STN1: variants seen among roughly 807,000 people sequenced by gnomAD.
STN1 encodes STN1 subunit of CST complex, also known as CST complex subunit STN1.
A neutral mutation model predicts 45.5 loss-of-function variants in STN1; 29 were observed. The ratio of observed to expected loss-of-function variants is 0.64; its 90% CI spans 0.47 to 0.87. The LOEUF is 0.87. STN1 is among the 40% of genes least tolerant of loss of function. STN1 has a pLI of 0.00. For missense variants in STN1, 376 were observed against 441.4 expected, an observed-to-expected ratio of 0.85 and a Z score of 1.33; for synonymous variants, 148 against 159.0, an observed-to-expected ratio of 0.93 and a Z score of 0.52.
chr10:103,906,154 T>C (rs1355564148), intron 3 of STN1, among the ~76,000 whole-genome samples: 1 of 152,220 alleles, frequency 6.6e-6, no homozygotes, highest in Non-Finnish European at 1.5e-5. Context: ...ATGGGTTTCA[T>C]TTTATTAAAT....
At chr10:103,887,940 C>T (rs1843114898) in intron 9 of STN1, among the ~76,000 whole-genome samples, 2 of 152,246 alleles carry the variant, frequency 1.3e-5, no homozygotes. Flanking sequence ...CTCATCCCTT[C>T]TTGGCTGAGG....
At chr10:103,905,232 G>T in intron 3 of STN1, 76 bp from the exon 4 acceptor site, 1 of 1,270,720 alleles carries the variant, frequency 7.9e-7, no homozygotes, top group Non-Finnish European at 1.1e-6. Flanking sequence ...ATTGCATTCA[G>T]CCATACTGAA....
intron 8 of STN1, among the ~76,000 whole-genome samples, chr10:103,890,747 A>C (rs1843134961): frequency 6.6e-6 from 1 of 152,224 alleles, no homozygotes; most frequent in Non-Finnish European, 1.5e-5. Context: ...TAATTTCTAA[A>C]ATCTCTCTAA....
chr10:103,914,735 A>T (rs1843318183), intron 2 of STN1, among the ~76,000 whole-genome samples: 1 of 152,030 alleles, frequency 6.6e-6, no homozygotes, highest in Admixed American at 6.6e-5. Context: ...ACCACAATCA[A>T]ATTTCACAGT....
At chr10:103,895,041 C>T (rs1013643617) in intron 7 of STN1, among the ~76,000 whole-genome samples, 2 of 152,200 alleles carry the variant, frequency 1.3e-5, no homozygotes, top group African/African-American at 2.4e-5. Context: ...TCTAGGGTTT[C>T]AGTCTCATTG....
rs763440145 is a variant in STN1 at position 103,910,527 on chromosome 10, C to T, written c.229G>A (p.Val77Met). 13 of 1,590,488 alleles carry T rather than the reference C, an allele frequency of 8.2e-6. No homozygotes were observed. In the Admixed American group the frequency reaches 1.8e-4, roughly 22 times the overall value. ...RERDAFYSYG[V>M]DDSTGVINCI... ...TCATTTCAGACACAATTGTTCTTAC[C>T]TCCATAACTGTAGAAAGCATCTCTT... The change falls in exon 3 of 10, where the codon GTG (valine) becomes ATG (methionine). Residue 77 changes from valine to methionine, a missense_variant and splice_region_variant. Val to Met is a conservative substitution (Grantham distance 21). Transcript: ENST00000224950.
At chr10:103,908,513 G>A (rs1453564102) in intron 3 of STN1, among the ~76,000 whole-genome samples, 1 of 152,252 alleles carries the variant, frequency 6.6e-6, no homozygotes, top group Non-Finnish European at 1.5e-5. Context: ...CAGAACAGCA[G>A]GGAGCGGCCA....
At chr10:103,899,372 C>T (rs1456355864) in intron 5 of STN1, among the ~76,000 whole-genome samples, 1 of 152,208 alleles carries the variant, frequency 6.6e-6, no homozygotes, top group African/African-American at 2.4e-5. Flanking sequence ...TAGCTGTTTT[C>T]ATTTAAAGTT....
rs1348146967 is a variant in STN1, at chr10:103,880,787, A to G, written c.*1897T>C. Among the ~76,000 whole-genome samples, 1 of 152,206 alleles carries G rather than the reference A, an allele frequency of 6.6e-6. No homozygotes were observed. Among genetic ancestry groups the G allele is most frequent in the Non-Finnish European group, 1.5e-5 (1 of 68,030 alleles). ...AGTCCTCAGGGAGGCAGAGCACTGAACAAAGGAACCTGAGAAGGAGCAACC... is the reference window on the plus strand; with the variant it reads ...AGTCCTCAGGGAGGCAGAGCACTGAGCAAAGGAACCTGAGAAGGAGCAACC... On this transcript the variant is annotated 3_prime_UTR_variant, in exon 10 of 10. Transcript: ENST00000224950.
chr10:103,887,932 C>T (rs1843114855), intron 9 of STN1, among the ~76,000 whole-genome samples: 1 of 152,224 alleles, frequency 6.6e-6, no homozygotes, highest in Admixed American at 6.5e-5. Flanking sequence ...AGCATCTTCT[C>T]ATCCCTTCTT....
intron 2 of STN1, among the ~76,000 whole-genome samples, chr10:103,916,054 G>T (rs1478711489): frequency 2.0e-5 from 3 of 152,138 alleles, no homozygotes; most frequent in African/African-American, 7.2e-5. Context: ...TACCAGTAGT[G>T]GTCTGTGGTC....
At chr10:103,898,806 C>G in intron 6 of STN1, 71 bp downstream of exon 6, 3 of 1,581,234 alleles carry the variant, frequency 1.9e-6, no homozygotes, top group Non-Finnish European at 2.6e-6. Context: ...AGGCCGATCC[C>G]AGCATCTGGG....
In STN1 at chr10:103,909,449, T is replaced by C. The variant is rs1217100277; in HGVS notation, c.229+1078A>G. On this transcript the variant is annotated intron_variant, in intron 3 of 9. Coordinates refer to ENST00000224950, the MANE Select transcript of STN1 (RefSeq NM_024928.5). ...GTATATATATGTATATATATGTATATATGTATATATGTATATATATGTATA... is the reference window on the plus strand; with the variant it reads ...GTATATATATGTATATATATGTATACATGTATATATGTATATATATGTATA... 6.7e-5 allele frequency among the ~76,000 whole-genome samples: 4 copies of C among 59,960 alleles called. 1 individual carries two copies. Among genetic ancestry groups the C allele is most frequent in the African/African-American group, 2.1e-4 (4 of 19,380 alleles). The allele number at this position is 59,960 out of a possible 152,430, so 39.3% of individuals were successfully genotyped here. A position where few individuals can be genotyped will look rare whatever the true frequency, so the allele number is the denominator to read the frequency against.
At position 103,885,134 on chromosome 10, in the gene STN1, CA is replaced by C. The variant is rs983522954; in HGVS notation, c.950-2294del. On this transcript the variant is annotated intron_variant, in intron 9 of 9. Coordinates refer to ENST00000224950, the MANE Select transcript of STN1 (RefSeq NM_024928.5). ...CAGGGTGGCTGTGTGGATGAGAGAC[CA>C]GGGGGAACTACTATGATTTGGTTCA... Among the ~76,000 whole-genome samples, 66 of 152,234 alleles carry C rather than the reference CA, an allele frequency of 4.3e-4. 1 individual carries two copies. Among genetic ancestry groups the C allele is most frequent in the African/African-American group, 1.5e-3 (63 of 41,532 alleles).
At chr10:103,909,079 C>G (rs1376229925) in intron 3 of STN1, among the ~76,000 whole-genome samples, 1 of 151,770 alleles carries the variant, frequency 6.6e-6, no homozygotes, top group African/African-American at 2.4e-5. Context: ...AATACCTGTA[C>G]TTTCTGTTTC....
At chr10:103,888,985 G>C in intron 9 of STN1, 87 bp downstream of exon 9, 1 of 915,572 alleles carries the variant, frequency 1.1e-6, no homozygotes, top group East Asian at 2.4e-5. Context: ...AAAGTCCCGG[G>C]TCTCCTGACT....
rs79250842 is a variant in STN1, at chr10:103,889,164, G to A, written c.877-20C>T. 11,884 of 1,531,876 alleles carry A rather than the reference G, an allele frequency of 7.8e-3. 599 individuals are homozygous for A. In the African/African-American group the frequency reaches 0.12, roughly 16 times the overall value. The allele number at this position is 1,531,876 out of a possible 1,614,324, so 94.9% of individuals were successfully genotyped here. A position where few individuals can be genotyped will look rare whatever the true frequency, so the allele number is the denominator to read the frequency against. ...GGTTACCTAAATAGGAAAAATAGTT[G>A]AGAGAGAGAGTGTTCTTAGGTAACA... On this transcript the variant is annotated intron_variant, in intron 8 of 9. Transcript: ENST00000224950.
chr10:103,915,712 G>A (rs1392980850), intron 2 of STN1, among the ~76,000 whole-genome samples: 1 of 152,080 alleles, frequency 6.6e-6, no homozygotes, highest in Non-Finnish European at 1.5e-5. Flanking sequence ...AAACCTAGGA[G>A]TGGAATTCCC....
intron 7 of STN1, among the ~76,000 whole-genome samples, chr10:103,892,759 G>A (rs1015763217): frequency 6.6e-6 from 1 of 152,144 alleles, no homozygotes; most frequent in Non-Finnish European, 1.5e-5. Context: ...CCACCAAGGG[G>A]AGTCCACAAG....
Sources: gnomAD v4.1 joint callset for allele counts (sites outside exome capture counted in the v4.1 genomes callset) on GRCh38, gnomAD v4.1.1 for gene constraint, MANE v1.5 for transcripts, NCBI Gene and HGNC (gene_info 2026-07-23, HGNC 2026-07-21) for gene names.